The following CA10 variants were observed in gnomAD, a reference collection of about 807,000 sequenced individuals.
CA10 encodes carbonic anhydrase 10 (inactive), also known as carbonic anhydrase-related protein 10.
CA10 carries 14 observed loss-of-function variants against 44.2 expected under a neutral mutation model. The ratio of observed to expected loss-of-function variants is 0.32; its 90% CI spans 0.21 to 0.50. The LOEUF is 0.50. Among genes scored for constraint, CA10 ranks in the 20% least tolerant of loss-of-function variants. The pLI is 0.99. For missense variants in CA10, 350 were observed against 409.7 expected (o/e 0.85, Z 1.26); for synonymous variants, 159 against 141.6 (o/e 1.12, Z -0.87).
At chr17:51,948,205 C>T (rs187993216) in intron 2 of CA10, among the ~76,000 whole-genome samples, 121 of 152,230 alleles carry the variant, frequency 7.9e-4, no homozygotes, top group Non-Finnish European at 8.1e-4. Context: ...TTCTACACTC[C>T]GCCTGTATTG....
At chr17:51,702,597 C>T (rs759083046) in intron 4 of CA10, among the ~76,000 whole-genome samples, 13 of 152,344 alleles carry the variant, frequency 8.5e-5, no homozygotes, top group Middle Eastern at 3.4e-3. Context: ...CCCTCTCCGC[C>T]TTTCTCTGCC....
chr17:52,016,428 T>A (rs987253855), intron 2 of CA10, among the ~76,000 whole-genome samples: 1 of 152,148 alleles, frequency 6.6e-6, no homozygotes, highest in Non-Finnish European at 1.5e-5. Context: ...TTGCATTGAT[T>A]GCAAAAAGCT....
At chr17:51,822,492 T>TCATTATTACTACCTGCATTCTCC (rs1907852743) in intron 3 of CA10, among the ~76,000 whole-genome samples, 1 of 152,146 alleles carries the variant, frequency 6.6e-6, no homozygotes, top group Admixed American at 6.6e-5. Flanking sequence ...CCACACTCAC[T>TCATTATTACTACCTGCATTCTCC]CATTATTACT....
chr17:52,142,170 T>C (rs1239135985), intron 1 of CA10, among the ~76,000 whole-genome samples: 1 of 152,192 alleles, frequency 6.6e-6, no homozygotes, highest in Non-Finnish European at 1.5e-5. Context: ...AATCCTGAGT[T>C]GGAAATTGGA....
At chr17:51,804,930 G>T (rs1907071722) in intron 3 of CA10, among the ~76,000 whole-genome samples, 1 of 152,138 alleles carries the variant, frequency 6.6e-6, no homozygotes, top group African/African-American at 2.4e-5. Context: ...CCCACTTTGA[G>T]GGTGGAGAAC....
At chr17:51,700,941 G>T (rs1173465011) in intron 4 of CA10, among the ~76,000 whole-genome samples, 2 of 152,094 alleles carry the variant, frequency 1.3e-5, no homozygotes, top group Non-Finnish European at 2.9e-5. Context: ...GGAGCAGGGA[G>T]GGAGAGCATC....
chr17:52,079,015 G>T (rs1315818889), intron 1 of CA10, among the ~76,000 whole-genome samples: 1 of 152,202 alleles, frequency 6.6e-6, no homozygotes, highest in Non-Finnish European at 1.5e-5. Context: ...GGCCGGGTGT[G>T]GTGGCTTACT....
intron 2 of CA10, among the ~76,000 whole-genome samples, chr17:51,966,263 T>C (rs1035841851): frequency 2.0e-5 from 3 of 151,930 alleles, no homozygotes; most frequent in Non-Finnish European, 1.5e-5. Context: ...GGATCAATAT[T>C]TTTAAAATGG....
At chr17:51,682,963 C>A (rs551140196) in intron 4 of CA10, among the ~76,000 whole-genome samples, 12 of 152,188 alleles carry the variant, frequency 7.9e-5, no homozygotes, top group Admixed American at 5.2e-4. Context: ...TATTATAAAT[C>A]CAGAGGTCTT....
At chr17:51,883,757 C>T (rs1462780925) in intron 3 of CA10, among the ~76,000 whole-genome samples, 1 of 152,190 alleles carries the variant, frequency 6.6e-6, no homozygotes, top group Non-Finnish European at 1.5e-5. Context: ...TTTTGTCTAA[C>T]ATGATTTCAT....
At chr17:51,700,046 G>C (rs1263961) in intron 4 of CA10, among the ~76,000 whole-genome samples, 64,521 of 152,026 alleles carry the variant, frequency 0.42, 14,134 homozygotes, top group African/African-American at 0.53. Context: ...CTTTCAAGAT[G>C]TTAGAATAAG....
At chr17:51,737,683 A>T (rs1567822709) in intron 4 of CA10, among the ~76,000 whole-genome samples, 1 of 152,106 alleles carries the variant, frequency 6.6e-6, no homozygotes, top group Non-Finnish European at 1.5e-5. Context: ...TCTAAGTCAA[A>T]ATGTTGCCTT....
At chr17:52,085,528 T>C (rs975706345) in intron 1 of CA10, among the ~76,000 whole-genome samples, 1 of 152,198 alleles carries the variant, frequency 6.6e-6, no homozygotes, top group African/African-American at 2.4e-5. Context: ...TCCCTATTGG[T>C]TACACGATAA....
intron 1 of CA10, among the ~76,000 whole-genome samples, chr17:52,122,280 T>C (rs1242623256): frequency 6.6e-6 from 1 of 152,170 alleles, no homozygotes; most frequent in African/African-American, 2.4e-5. Context: ...AAAATAGAAG[T>C]TAATACAGAT....
At chr17:51,949,155 A>G (rs571217367) in intron 2 of CA10, among the ~76,000 whole-genome samples, 4 of 152,210 alleles carry the variant, frequency 2.6e-5, no homozygotes, top group Non-Finnish European at 4.4e-5. Context: ...TCTTCTGCCC[A>G]ATATTTAGTT....
At chr17:51,886,282 T>C (rs1980596263) in intron 3 of CA10, among the ~76,000 whole-genome samples, 1 of 152,168 alleles carries the variant, frequency 6.6e-6, no homozygotes, top group Non-Finnish European at 1.5e-5. Context: ...ACCTTCCAAC[T>C]ATAAAAACTT....
At chr17:51,966,239 C>T in intron 2 of CA10, among the ~76,000 whole-genome samples, 1 of 152,026 alleles carries the variant, frequency 6.6e-6, no homozygotes, top group Middle Eastern at 3.4e-3. Flanking sequence ...ACATTCCATA[C>T]TCACAAATTG....
intron 3 of CA10, among the ~76,000 whole-genome samples, chr17:51,751,246 G>A (rs542936412): frequency 2.1e-4 from 32 of 152,284 alleles, no homozygotes; most frequent in African/African-American, 7.5e-4. Context: ...AAGTAGAATC[G>A]TGATTGCCAG....
At chr17:51,885,507 A>G (rs1001374319) in intron 3 of CA10, among the ~76,000 whole-genome samples, 1 of 152,056 alleles carries the variant, frequency 6.6e-6, no homozygotes, top group Non-Finnish European at 1.5e-5. Flanking sequence ...CCTCTACAAC[A>G]CATATTTCTC....
Sources: gnomAD v4.1 joint callset for allele counts (sites outside exome capture counted in the v4.1 genomes callset) on GRCh38, gnomAD v4.1.1 for gene constraint, MANE v1.5 for transcripts, NCBI Gene and HGNC (gene_info 2026-07-23, HGNC 2026-07-21) for gene names.